Variants in ARHGAP6 observed in about 807,000 individuals in gnomAD.
ARHGAP6 encodes rho GTPase-activating protein 6.
Under a neutral mutation model 55.7 loss-of-function variants are expected in ARHGAP6, and 16 were observed. The ratio of observed to expected loss-of-function variants is 0.29; its 90% CI spans 0.19 to 0.44. The LOEUF (loss-of-function observed/expected upper bound fraction) is 0.44, where lower values mean the gene tolerates loss of function less well. ARHGAP6 is among the 20% of genes least tolerant of loss of function. ARHGAP6 has a pLI of 1.00. For missense variants in ARHGAP6, 698 were observed against 808.9 expected (o/e 0.86, Z 1.66); for synonymous variants, 382 against 360.9 (o/e 1.06, Z -0.66).
rs773244581 is a variant in ARHGAP6, at chrX:11,142,283, C to T, written c.2207G>A (p.Gly736Glu). Residue 736 changes from glycine to glutamate, a missense_variant, in exon 12 of 13, where the codon GGA (glycine) becomes GAA (glutamate). By Grantham distance (98) the Gly-to-Glu change is moderately conservative. Transcript: ENST00000337414. The stretch of plus-strand genomic sequence containing the variant: ...GCTTTTTAATGTTGAATGCCAAGTT[C>T]CCCAGATATCGAAAGGCTCCTCTGA... ...DLSEEPFDIW[G>E]TWHSTLKSGS... is the part of the protein sequence containing the mutation. The T allele has an allele frequency of 1.4e-5, 17 of 1,199,361 alleles. No homozygotes were observed. The highest frequency in any genetic ancestry group is 1.7e-5 in the Non-Finnish European group (15 of 888,271).
At chrX:11,336,399 C>A (rs1441559178) in intron 1 of ARHGAP6, among the ~76,000 whole-genome samples, 1 of 111,539 alleles carries the variant, frequency 9.0e-6, no homozygotes, top group Non-Finnish European at 1.9e-5. Flanking sequence ...TAGACAATCA[C>A]CCCAGCTTTA....
At chrX:11,157,260 A>G (rs941469862) in intron 9 of ARHGAP6, among the ~76,000 whole-genome samples, 2 of 112,488 alleles carry the variant, frequency 1.8e-5, no homozygotes, top group African/African-American at 6.5e-5. Context: ...GACTTATTAT[A>G]TGTTGAGACT....
intron 1 of ARHGAP6, among the ~76,000 whole-genome samples, chrX:11,340,573 T>C (rs58922667): frequency 0.043 from 4,672 of 108,239 alleles, 176 homozygotes; most frequent in African/African-American, 0.092. Flanking sequence ...ACTAAAAATA[T>C]AAAAAATTAG....
At chrX:11,568,687 G>A (rs1430063588) in intron 1 of ARHGAP6, among the ~76,000 whole-genome samples, 1 of 108,481 alleles carries the variant, frequency 9.2e-6, no homozygotes, top group Non-Finnish European at 1.9e-5. Flanking sequence ...AACGCTAAGG[G>A]TAGAGGTTGC....
At chrX:11,200,940 T>C (rs376527439) in intron 2 of ARHGAP6, among the ~76,000 whole-genome samples, 1 of 112,351 alleles carries the variant, frequency 8.9e-6, no homozygotes, top group East Asian at 2.8e-4. Flanking sequence ...AGGGTTACCT[T>C]TGAGGAATAA....
chrX:11,591,062 G>C (rs1215401929), intron 1 of ARHGAP6, among the ~76,000 whole-genome samples: 1 of 107,981 alleles, frequency 9.3e-6, no homozygotes, highest in African/African-American at 3.3e-5. Flanking sequence ...CGTGGTGGCG[G>C]GCGCCTGTAG....
intron 1 of ARHGAP6, among the ~76,000 whole-genome samples, chrX:11,361,322 T>G (rs751969489): frequency 9.1e-6 from 1 of 109,376 alleles, no homozygotes; most frequent in South Asian, 3.9e-4. Context: ...ATCAATGGAA[T>G]AGAACAGAGC....
chrX:11,204,921 A>G (rs2046682845), intron 2 of ARHGAP6, among the ~76,000 whole-genome samples: 2 of 112,135 alleles, frequency 1.8e-5, no homozygotes, highest in Admixed American at 1.9e-4. Context: ...ACATTGATCT[A>G]TAATGGTCTC....
At chrX:11,149,141 A>G (rs1375474132) in intron 10 of ARHGAP6, among the ~76,000 whole-genome samples, 3 of 112,018 alleles carry the variant, frequency 2.7e-5, no homozygotes, top group Non-Finnish European at 5.6e-5. Flanking sequence ...AGTCCTTATT[A>G]ATTCCCTCCT....
intron 1 of ARHGAP6, among the ~76,000 whole-genome samples, chrX:11,567,156 C>T (rs1412434549): frequency 9.0e-6 from 1 of 111,661 alleles, no homozygotes; most frequent in African/African-American, 3.3e-5. Context: ...TTTCTCTAAA[C>T]ATGTTAAATC....
chrX:11,507,681 G>A (rs1166030404), intron 1 of ARHGAP6, among the ~76,000 whole-genome samples: 3 of 111,387 alleles, frequency 2.7e-5, no homozygotes, highest in African/African-American at 9.8e-5. Flanking sequence ...TCCATCTAGG[G>A]CTGTGGATTT....
chrX:11,518,266 G>A (rs2050866787), intron 1 of ARHGAP6, among the ~76,000 whole-genome samples: 1 of 109,420 alleles, frequency 9.1e-6, no homozygotes, highest in South Asian at 4.0e-4. Context: ...TCAGCCTCTC[G>A]AGTAGCTGTG....
In ARHGAP6 at chrX:11,364,835, A is replaced by C. The variant is rs573624255; in HGVS notation, c.589-110128T>G. 3.8e-3 allele frequency among the ~76,000 whole-genome samples: 422 copies of C among 111,340 alleles called. 1 individual carries two copies. Among genetic ancestry groups the C allele is most frequent in the Middle Eastern group, 0.014 (3 of 218 alleles). ...AGATGCATCAGGGATGAGGCTCTCA[A>C]CTAGCTTACTTTTCTGCCATTTTGC... is the stretch of plus-strand genomic sequence containing the variant. On this transcript the variant is annotated intron_variant, in intron 1 of 12. Coordinates refer to ENST00000337414, the MANE Select transcript of ARHGAP6 (RefSeq NM_013427.3).
At chrX:11,530,654 G>A (rs933462140) in intron 1 of ARHGAP6, among the ~76,000 whole-genome samples, 16 of 112,209 alleles carry the variant, frequency 1.4e-4, no homozygotes, top group South Asian at 3.7e-4. Flanking sequence ...GCCTCTGTAA[G>A]AATTGTACAA....
intron 2 of ARHGAP6, among the ~76,000 whole-genome samples, chrX:11,205,669 A>G (rs1179592347): frequency 1.8e-5 from 2 of 111,236 alleles, no homozygotes; most frequent in Non-Finnish European, 3.8e-5. Context: ...CTACTGGAGT[A>G]CCTTTTTGTT....
At chrX:11,361,470 C>G (rs1181569207) in intron 1 of ARHGAP6, among the ~76,000 whole-genome samples, 7 of 110,491 alleles carry the variant, frequency 6.3e-5, no homozygotes, top group Admixed American at 9.7e-5. Context: ...GCTGAAACTG[C>G]ATCCCTTCCT....
chrX:11,349,473 A>G (rs1377254522), intron 1 of ARHGAP6, among the ~76,000 whole-genome samples: 3 of 111,701 alleles, frequency 2.7e-5, no homozygotes, highest in African/African-American at 9.8e-5. Context: ...CTGTATCTCC[A>G]AAGCCTAGAA....
chrX:11,271,517 AT>A (rs202144726), intron 1 of ARHGAP6, among the ~76,000 whole-genome samples: 13,938 of 111,283 alleles, frequency 0.13, 727 homozygotes, highest in Middle Eastern at 0.22. Flanking sequence ...AAGGAAAACA[AT>A]TTCCTCAAAA....
intron 1 of ARHGAP6, among the ~76,000 whole-genome samples, chrX:11,560,764 C>T (rs2051376835): frequency 8.9e-6 from 1 of 112,348 alleles, no homozygotes; most frequent in African/African-American, 3.2e-5. Flanking sequence ...GTCAAATGCT[C>T]CTAAAGTCAT....
Sources: allele counts gnomAD v4.1 joint callset (sites outside exome capture counted in the v4.1 genomes callset), GRCh38; gene constraint gnomAD v4.1.1; transcripts MANE v1.5; gene names NCBI Gene and HGNC (gene_info 2026-07-23, HGNC 2026-07-21).